CACNA1D: variants seen among roughly 807,000 people sequenced by gnomAD.
CACNA1D encodes voltage-dependent L-type calcium channel subunit alpha-1D.
A neutral mutation model predicts 257.1 loss-of-function variants in CACNA1D; 55 were observed. The ratio of observed to expected loss-of-function variants is 0.21; its 90% CI spans 0.17 to 0.27. The LOEUF (loss-of-function observed/expected upper bound fraction) is 0.27. CACNA1D is among the 10% of genes least tolerant of loss of function. CACNA1D has a pLI of 1.00. For missense variants in CACNA1D, 1,876 were observed against 2,784.0 expected, an observed-to-expected ratio of 0.67 and a Z score of 7.34; for synonymous variants, 980 against 1,014.9, an observed-to-expected ratio of 0.97 and a Z score of 0.65.
At position 53,614,554 on chromosome 3, in the gene CACNA1D, A is replaced by T. The variant is rs75160189; in HGVS notation, c.484-36225A>T. Among the ~76,000 whole-genome samples, 636 of 152,360 alleles carry T rather than the reference A, an allele frequency of 4.2e-3. 22 individuals carry two copies. In the East Asian group the frequency reaches 0.083, roughly 20 times the overall value. On this transcript the variant is annotated intron_variant, in intron 3 of 47. Coordinates refer to ENST00000350061, the MANE Select transcript of CACNA1D (RefSeq NM_001128840.3). ...GAGTGTGCTGAGTGAGCACAGTACA[A>T]CCAGGAACAAAATGCTTTCTTCCTG...
intron 5 of CACNA1D, among the ~76,000 whole-genome samples, chr3:53,662,978 C>T (rs1187004516): frequency 2.0e-5 from 3 of 152,146 alleles, no homozygotes; most frequent in African/African-American, 7.2e-5. Context: ...TTTTCCTTTC[C>T]ATGTGTTCCT....
intron 3 of CACNA1D, among the ~76,000 whole-genome samples, chr3:53,643,086 A>G (rs1328588464): frequency 2.6e-5 from 4 of 152,252 alleles, no homozygotes; most frequent in Non-Finnish European, 5.9e-5. Flanking sequence ...GGGGCAACAC[A>G]GCTGTCGAGA....
At chr3:53,513,066 C>T (rs952460952) in intron 3 of CACNA1D, among the ~76,000 whole-genome samples, 3 of 152,156 alleles carry the variant, frequency 2.0e-5, no homozygotes, top group Non-Finnish European at 2.9e-5. Flanking sequence ...GTGGGTCTTT[C>T]CTCAGTTTCT....
intron 3 of CACNA1D, among the ~76,000 whole-genome samples, chr3:53,539,361 G>A (rs764661156): frequency 3.3e-5 from 5 of 152,072 alleles, no homozygotes; most frequent in Non-Finnish European, 5.9e-5. Flanking sequence ...GCCCGCCTCC[G>A]CCTCCCAAAG....
chr3:53,558,959 C>T (rs2092692087), intron 3 of CACNA1D, among the ~76,000 whole-genome samples: 2 of 152,154 alleles, frequency 1.3e-5, no homozygotes, highest in Admixed American at 1.3e-4. Flanking sequence ...TTTTCCTACA[C>T]AACACCGTTT....
rs184265738 is a variant in CACNA1D, at chr3:53,526,019, G to A, written c.483+24299G>A. On this transcript the variant is annotated intron_variant, in intron 3 of 47. Transcript: ENST00000350061. ...ACACGACCTCCCCTTGTAATTGCAG[G>A]ATGGCTGCCAACAGTTTCTAGGCCT... is the stretch of plus-strand genomic sequence containing the variant. Among the ~76,000 whole-genome samples, 3 of 152,300 alleles carry A rather than the reference G, an allele frequency of 2.0e-5. No individual in the cohort carries two copies. The East Asian group carries it at 5.8e-4, about 29-fold the overall frequency.
At chr3:53,782,155 T>C (rs2109075163) in intron 39 of CACNA1D, among the ~76,000 whole-genome samples, 1 of 151,268 alleles carries the variant, frequency 6.6e-6, no homozygotes, top group Non-Finnish European at 1.5e-5. Flanking sequence ...GCATGCTTAT[T>C]TCCTTTTGTT....
chr3:53,512,147 A>G (rs1249794521), intron 3 of CACNA1D, among the ~76,000 whole-genome samples: 1 of 152,224 alleles, frequency 6.6e-6, no homozygotes, highest in African/African-American at 2.4e-5. Context: ...CTGTAGGCTT[A>G]CACAAATTCT....
At chr3:53,806,298 G>C (rs563217890) in intron 45 of CACNA1D, among the ~76,000 whole-genome samples, 34 of 151,536 alleles carry the variant, frequency 2.2e-4, no homozygotes, top group African/African-American at 7.8e-4. Flanking sequence ...GTCTGTCAGT[G>C]CCCTCTGCTC....
intron 3 of CACNA1D, among the ~76,000 whole-genome samples, chr3:53,589,381 C>G (rs531637352): frequency 6.6e-6 from 1 of 152,066 alleles, no homozygotes; most frequent in African/African-American, 2.4e-5. Context: ...TCAGCCGTCC[C>G]GAGTGTGTGG....
At chr3:53,585,710 T>A (rs558740923) in intron 3 of CACNA1D, among the ~76,000 whole-genome samples, 2 of 152,228 alleles carry the variant, frequency 1.3e-5, no homozygotes, top group South Asian at 4.1e-4. Context: ...TGCTAATGAC[T>A]GTGCTCCACC....
intron 3 of CACNA1D, among the ~76,000 whole-genome samples, chr3:53,623,379 G>A (rs1390520098): frequency 1.3e-5 from 2 of 152,232 alleles, no homozygotes; most frequent in Non-Finnish European, 2.9e-5. Flanking sequence ...CTTTTGAAAT[G>A]TATCTAAAAA....
chr3:53,805,660 C>T (rs1173303315), intron 45 of CACNA1D, among the ~76,000 whole-genome samples: 1 of 152,016 alleles, frequency 6.6e-6, no homozygotes, highest in Non-Finnish European at 1.5e-5. Flanking sequence ...TCAGGCCCCT[C>T]CAAGCCTTAT....
At chr3:53,710,423 G>A (rs1342258338) in intron 9 of CACNA1D, 2 of 456,750 alleles carry the variant, frequency 4.4e-6, no homozygotes, top group Non-Finnish European at 8.8e-6. Flanking sequence ...TGCTTAAAGA[G>A]GATAAGAAGA....
At chr3:53,539,941 T>C (rs775751253) in intron 3 of CACNA1D, among the ~76,000 whole-genome samples, 8 of 152,218 alleles carry the variant, frequency 5.3e-5, no homozygotes, top group Non-Finnish European at 8.8e-5. Context: ...CATTTTCCCA[T>C]TGAGTTATCT....
At chr3:53,506,373 C>T (rs983955014) in intron 3 of CACNA1D, among the ~76,000 whole-genome samples, 5 of 152,136 alleles carry the variant, frequency 3.3e-5, no homozygotes, top group Admixed American at 2.0e-4. Flanking sequence ...TGGGAAGTGG[C>T]GTGGAGTGTG....
Position 53,722,365 on chromosome 3 carries a change from C to A in CACNA1D, c.1557C>A (p.Ala519=). ...TCAATCGCAGAAGATGTAGGGCCGC[C>A]GTGAAGTCTGTCACGTTTTACTGGC... ...NRFNRRRCRA[A]VKSVTFYWLV... The change falls in exon 12 of 48, where the codon GCC becomes GCA. Residue 519 remains alanine (A), a synonymous_variant. Coordinates refer to ENST00000350061, the MANE Select transcript of CACNA1D (RefSeq NM_001128840.3). 6.2e-7 allele frequency: 1 copy of A among 1,614,212 alleles called. No homozygotes were observed. Among genetic ancestry groups the A allele is most frequent in the Non-Finnish European group, 8.5e-7 (1 of 1,180,042 alleles).
In CACNA1D at chr3:53,673,995, G is replaced by A. The variant is rs973284102; in HGVS notation, c.1220+869G>A. Reference sequence around the variant, plus strand: ...TGCCTGTATCTGTCTGTGAGATTCCGTGTTTCCAATGCTTGCCAAACACTG... The same window carrying A: ...TGCCTGTATCTGTCTGTGAGATTCCATGTTTCCAATGCTTGCCAAACACTG... On this transcript the variant is annotated intron_variant, in intron 8 of 47. Coordinates refer to ENST00000350061, the MANE Select transcript of CACNA1D (RefSeq NM_001128840.3). The surrounding 1 kb of genome is among the most constrained non-coding windows in gnomAD (Gnocchi z 4.1). 22 of 680,410 alleles carry A rather than the reference G, an allele frequency of 3.2e-5. No homozygotes were observed. The highest frequency in any genetic ancestry group is 8.1e-5 in the South Asian group (5 of 62,086). The allele number at this position is 680,410 out of a possible 1,614,324, so 42.1% of individuals were successfully genotyped here.
In CACNA1D at chr3:53,730,429, A is replaced by C. The variant is rs1559585966; in HGVS notation, c.2222-13A>C. 1 of 1,573,946 alleles carries C rather than the reference A, an allele frequency of 6.4e-7. No homozygotes were observed. Among genetic ancestry groups the C allele is most frequent in the Non-Finnish European group, 8.7e-7 (1 of 1,143,238 alleles). On this transcript the variant is annotated splice_polypyrimidine_tract_variant and intron_variant, in intron 15 of 47. Coordinates refer to ENST00000350061, the MANE Select transcript of CACNA1D (RefSeq NM_001128840.3). ...TTTAGTAGTGTGTTGTGCCCTTAAA[A>C]AGTTGAAATTAGATATTCTACTGAA...
Sources: allele counts gnomAD v4.1 joint callset (sites outside exome capture counted in the v4.1 genomes callset), GRCh38; gene constraint gnomAD v4.1.1; non-coding constraint Gnocchi (gnomAD v3.1); transcripts MANE v1.5; gene names NCBI Gene and HGNC (gene_info 2026-07-23, HGNC 2026-07-21).